Variants in MARCHF1 observed in about 807,000 individuals in gnomAD.
MARCHF1 encodes E3 ubiquitin-protein ligase MARCHF1.
In MARCHF1, 40 loss-of-function variants were observed where a neutral mutation model predicts 54.2. That is an observed-to-expected ratio of 0.74 (90% confidence interval 0.57 to 0.96). The LOEUF (loss-of-function observed/expected upper bound fraction) is 0.96, where lower values mean the gene tolerates loss of function less well. MARCHF1 is among the 40% of genes least tolerant of loss of function. MARCHF1 has a pLI of 0.00. For missense variants in MARCHF1, 586 were observed against 656.5 expected, an observed-to-expected ratio of 0.89 and a Z score of 1.17; for synonymous variants, 236 against 236.3, an observed-to-expected ratio of 1.00 and a Z score of 0.01.
intron 1 of MARCHF1, among the ~76,000 whole-genome samples, chr4:164,248,413 T>G (rs577925952): frequency 6.6e-6 from 1 of 152,100 alleles, no homozygotes; most frequent in African/African-American, 2.4e-5. Flanking sequence ...AAGATTATTA[T>G]AATGGTGATG....
chr4:163,818,872 G>A (rs757144918), intron 4 of MARCHF1, among the ~76,000 whole-genome samples: 1 of 152,016 alleles, frequency 6.6e-6, no homozygotes, highest in Non-Finnish European at 1.5e-5. Flanking sequence ...TTCTCTTTTT[G>A]AAGCACACGT....
chr4:164,029,698 G>A (rs1001238303), intron 2 of MARCHF1, among the ~76,000 whole-genome samples: 8 of 152,060 alleles, frequency 5.3e-5, no homozygotes, highest in African/African-American at 1.2e-4. Flanking sequence ...GGGTTAAAGC[G>A]ATTCTCATGC....
At chr4:163,872,905 G>T (rs1256961997) in intron 3 of MARCHF1, among the ~76,000 whole-genome samples, 1 of 152,000 alleles carries the variant, frequency 6.6e-6, no homozygotes, top group Non-Finnish European at 1.5e-5. Flanking sequence ...TTAGCCGGGC[G>T]TGGTGGCGGG....
Position 164,335,568 on chromosome 4 carries a change from C to T in MARCHF1, c.-323+48302G>A, listed in dbSNP as rs1729711856. On this transcript the variant is annotated intron_variant, in intron 1 of 9. Transcript: ENST00000514618. ...CTGCACTCCAGCCTGAGCAACAAAG[C>T]GAGACTCCATCTCAAAAAAAAAAAA... is the stretch of plus-strand genomic sequence containing the variant. Among the ~76,000 whole-genome samples the T allele has an allele frequency of 3.0e-5, 4 of 135,456 alleles. No homozygotes were observed. The South Asian group carries it at 7.3e-4, about 25-fold the overall frequency. 88.9% of individuals were successfully genotyped at this position (135,456 alleles called of 152,430 possible). A position where few individuals can be genotyped will look rare whatever the true frequency, so the allele number is the denominator to read the frequency against.
chr4:164,091,177 A>G (rs1036948755), intron 2 of MARCHF1, among the ~76,000 whole-genome samples: 5 of 152,028 alleles, frequency 3.3e-5, no homozygotes, highest in African/African-American at 1.2e-4. Context: ...TCTCTCTGTC[A>G]TTGACAGATC....
intron 2 of MARCHF1, among the ~76,000 whole-genome samples, chr4:164,075,752 C>T (rs913862865): frequency 1.3e-5 from 2 of 152,104 alleles, no homozygotes; most frequent in East Asian, 1.9e-4. Context: ...TTTTAGTATG[C>T]CCAAGGTAGG....
chr4:163,718,117 G>T (rs557069521), intron 4 of MARCHF1, among the ~76,000 whole-genome samples: 1 of 152,224 alleles, frequency 6.6e-6, no homozygotes, highest in African/African-American at 2.4e-5. Flanking sequence ...AGCTGAAACT[G>T]GATCCCTTCC....
At chr4:163,646,413 ATT>A (rs1742761891) in intron 5 of MARCHF1, among the ~76,000 whole-genome samples, 1 of 152,138 alleles carries the variant, frequency 6.6e-6, no homozygotes, top group African/African-American at 2.4e-5. Context: ...AAAGATGCTA[ATT>A]AATAATATGA....
At chr4:164,281,678 G>A (rs1734030136) in intron 1 of MARCHF1, among the ~76,000 whole-genome samples, 1 of 152,120 alleles carries the variant, frequency 6.6e-6, no homozygotes, top group African/African-American at 2.4e-5. Context: ...TAAAGGGTCT[G>A]GGTCTTGAAG....
chr4:163,640,980 A>C (rs1370517095), intron 5 of MARCHF1, among the ~76,000 whole-genome samples: 1 of 151,928 alleles, frequency 6.6e-6, no homozygotes, highest in African/African-American at 2.4e-5. Flanking sequence ...TCATAATATT[A>C]GTCTCAGTTT....
At chr4:164,382,881 G>T (rs1424423794) in intron 1 of MARCHF1, among the ~76,000 whole-genome samples, 1 of 152,154 alleles carries the variant, frequency 6.6e-6, no homozygotes, top group Non-Finnish European at 1.5e-5. Context: ...AAAACATTTT[G>T]ATCTCAAAAA....
intron 1 of MARCHF1, among the ~76,000 whole-genome samples, chr4:164,182,878 A>G (rs1432354520): frequency 1.3e-5 from 2 of 152,022 alleles, no homozygotes; most frequent in Non-Finnish European, 2.9e-5. Flanking sequence ...ATATCTAGAC[A>G]TAAGACTTCT....
At chr4:164,221,024 C>T (rs1000965653) in intron 1 of MARCHF1, among the ~76,000 whole-genome samples, 1 of 151,852 alleles carries the variant, frequency 6.6e-6, no homozygotes, top group African/African-American at 2.4e-5. Context: ...AAGGACATAA[C>T]CTCCCATTCC....
intron 2 of MARCHF1, among the ~76,000 whole-genome samples, chr4:164,076,998 T>C (rs925565718): frequency 5.7e-4 from 87 of 152,200 alleles, no homozygotes; most frequent in African/African-American, 2.0e-3. Flanking sequence ...TCAAGCACCA[T>C]AGACTTTCTT....
At chr4:164,017,144 A>T (rs550274246) in intron 2 of MARCHF1, among the ~76,000 whole-genome samples, 1 of 152,184 alleles carries the variant, frequency 6.6e-6, no homozygotes, top group South Asian at 2.1e-4. Context: ...GACCTTAAAA[A>T]AAAGGAGTAA....
chr4:163,995,319 C>T (rs1753054508), intron 2 of MARCHF1, among the ~76,000 whole-genome samples: 1 of 152,088 alleles, frequency 6.6e-6, no homozygotes, highest in Non-Finnish European at 1.5e-5. Flanking sequence ...TTACATGTAT[C>T]CCCCACCCAG....
chr4:164,142,079 G>C (rs535223861), intron 1 of MARCHF1, among the ~76,000 whole-genome samples: 4 of 152,300 alleles, frequency 2.6e-5, no homozygotes, highest in South Asian at 4.1e-4. Context: ...CTGGAAAATC[G>C]TGTCACTCCC....
intron 1 of MARCHF1, among the ~76,000 whole-genome samples, chr4:164,279,504 A>C (rs1156479491): frequency 6.6e-6 from 1 of 151,528 alleles, no homozygotes; most frequent in Non-Finnish European, 1.5e-5. Flanking sequence ...TTAAATGTTT[A>C]TAAATCTAAA....
At chr4:163,600,351 G>C (rs1936617570) in intron 7 of MARCHF1, among the ~76,000 whole-genome samples, 1 of 152,080 alleles carries the variant, frequency 6.6e-6, no homozygotes, top group Non-Finnish European at 1.5e-5. Context: ...ATGTACCCAT[G>C]CTGAAGCGCC....
Sources: allele counts gnomAD v4.1 joint callset (sites outside exome capture counted in the v4.1 genomes callset), GRCh38; gene constraint gnomAD v4.1.1; transcripts MANE v1.5; gene names NCBI Gene and HGNC (gene_info 2026-07-23, HGNC 2026-07-21).